The following GGTA1 variants were observed in gnomAD, a reference collection of about 807,000 sequenced individuals.
GGTA1 encodes inactive N-acetyllactosaminide alpha-1,3-galactosyltransferase.
GGTA1 carries 5 observed loss-of-function variants against 2.6 expected under a neutral mutation model. That is an observed-to-expected ratio of 1.92 (90% CI 1.00 to 4.04). The LOEUF is 4.04. GGTA1 is among the 30% of genes most tolerant of loss of function. The probability of loss-of-function intolerance (pLI) is 0.00; values close to 1 mark genes in which losing one functional copy is unlikely to be tolerated. For missense variants in GGTA1, 50 were observed against 16.7 expected (o/e 2.99, Z -3.47); for synonymous variants, 17 against 5.0 (o/e 3.38, Z -3.19).
At chr9:121,494,282 A>G (rs550662792) in intron 1 of GGTA1, among the ~76,000 whole-genome samples, 1 of 152,298 alleles carries the variant, frequency 6.6e-6, no homozygotes, top group South Asian at 2.1e-4. Flanking sequence ...CCCCACTGCC[A>G]TCACTGCCTC....
chr9:121,476,715 C>T lies in GGTA1; in HGVS notation c.-9-8784G>A, dbSNP rs1446394967. Among the ~76,000 whole-genome samples the T allele has an allele frequency of 6.6e-6, 1 of 152,196 alleles. No individual in the cohort carries two copies. The highest frequency in any genetic ancestry group is 1.5e-5 in the Non-Finnish European group (1 of 68,040). On this transcript the variant is annotated intron_variant, in intron 1 of 5. Coordinates refer to ENST00000481799, the MANE Select transcript of GGTA1 (RefSeq NM_001382585.1). This position sits in a 1 kb window ranked among gnomAD's most constrained non-coding sequence, Gnocchi z 4.6. ...AACCAATATGCGCTGAATGCAGAGG[C>T]TGACTTACCAGGAGCTAATGACGCT...
chr9:121,496,731 CAAA>C (rs772847384), intron 1 of GGTA1, among the ~76,000 whole-genome samples: 908 of 31,160 alleles, frequency 0.029, 31 homozygotes, highest in Non-Finnish European at 0.043. Flanking sequence ...GGCTCCATCT[CAAA>C]AAAAAAAAAA....
intron 1 of GGTA1, among the ~76,000 whole-genome samples, chr9:121,468,500 A>C (rs573957746): frequency 2.5e-4 from 38 of 152,334 alleles, no homozygotes; most frequent in African/African-American, 8.7e-4. Context: ...GTATCTTTAT[A>C]ATAGAATGAT....
chr9:121,489,338 A>C (rs763592452), intron 1 of GGTA1, among the ~76,000 whole-genome samples: 10 of 152,162 alleles, frequency 6.6e-5, no homozygotes, highest in African/African-American at 9.7e-5. Context: ...AGCTGGGACT[A>C]CAGGTGCACA....
intron 1 of GGTA1, among the ~76,000 whole-genome samples, chr9:121,495,116 C>T (rs1390489097): frequency 6.6e-6 from 1 of 151,866 alleles, no homozygotes; most frequent in Non-Finnish European, 1.5e-5. Flanking sequence ...GATGGGGTTT[C>T]ACTTTGTTGG....
In GGTA1 at chr9:121,445,489, A is replaced by G. The variant is rs1435301376; in HGVS notation, c.*2227T>C. 3 of 152,350 alleles carry G rather than the reference A, an allele frequency of 2.0e-5. No individual in the cohort carries two copies. In the East Asian group the frequency reaches 5.8e-4, roughly 29 times the overall value. The allele number at this position is 152,350 out of a possible 1,614,324, so 9.4% of individuals were successfully genotyped here. A position where few individuals can be genotyped will look rare whatever the true frequency, so the allele number is the denominator to read the frequency against. On this transcript the variant is annotated 3_prime_UTR_variant and NMD_transcript_variant, in exon 8 of 8. Transcript: ENST00000481534. ...GGCTCTTCAAATAAATTGCTTGAAA[A>G]TGGAAACAAATGACCGAGACTGGAA...
At chr9:121,488,407 G>C (rs1828805808) in intron 1 of GGTA1, among the ~76,000 whole-genome samples, 1 of 152,132 alleles carries the variant, frequency 6.6e-6, no homozygotes, top group Non-Finnish European at 1.5e-5. Flanking sequence ...AAACGCAAGG[G>C]TTATAAGACA....
chr9:121,459,999 C>G, intron 5 of GGTA1, 105 bp downstream of exon 5: 1 of 401,992 alleles, frequency 2.5e-6, no homozygotes, highest in Non-Finnish European at 4.9e-6. Context: ...AAGGCTCTTT[C>G]TCCTAAATCA....
chr9:121,497,505 G>A (rs1829019044), intron 1 of GGTA1, among the ~76,000 whole-genome samples: 1 of 152,056 alleles, frequency 6.6e-6, no homozygotes, highest in Non-Finnish European at 1.5e-5. Flanking sequence ...TATGTTTCTT[G>A]GTCTCTCTCA....
At chr9:121,450,734 C>G (rs1290249650), downstream of GGTA1, among the ~76,000 whole-genome samples, 1 of 152,180 alleles carries the variant, frequency 6.6e-6, no homozygotes, top group Admixed American at 6.5e-5. Context: ...AATTAGGTGG[C>G]TCCCAACCTA....
At chr9:121,447,979 T>C (rs1219246170) in intron 7 of GGTA1, among the ~76,000 whole-genome samples, 1 of 152,176 alleles carries the variant, frequency 6.6e-6, no homozygotes, top group African/African-American at 2.4e-5. Flanking sequence ...TCTCAACTGC[T>C]CTGGGTTTTA....
At chr9:121,496,921 G>A (rs538294521) in intron 1 of GGTA1, among the ~76,000 whole-genome samples, 7 of 152,034 alleles carry the variant, frequency 4.6e-5, no homozygotes, top group African/African-American at 1.7e-4. Context: ...AACTGGGCAT[G>A]GTGGCTCACA....
chr9:121,489,720 G>A (rs542333258), intron 1 of GGTA1, among the ~76,000 whole-genome samples: 1 of 152,288 alleles, frequency 6.6e-6, no homozygotes, highest in South Asian at 2.1e-4. Context: ...GCCAGCAGGC[G>A]TTCTGTGTTT....
chr9:121,470,135 C>A (rs141554540), intron 1 of GGTA1, among the ~76,000 whole-genome samples: 2 of 152,222 alleles, frequency 1.3e-5, no homozygotes, highest in Non-Finnish European at 2.9e-5. Context: ...TTTCCTGTGT[C>A]TCCTCTTGTG....
At position 121,476,296 on chromosome 9, in the gene GGTA1, T is replaced by C. The variant is rs1828508195; in HGVS notation, c.-9-8365A>G. Among the ~76,000 whole-genome samples the C allele has an allele frequency of 6.6e-6, 1 of 152,070 alleles. No homozygotes were observed. The highest frequency in any genetic ancestry group is 2.1e-4 in the South Asian group (1 of 4,824). On this transcript the variant is annotated intron_variant, in intron 1 of 5. Transcript: ENST00000481799. The surrounding 1 kb of genome is among the most constrained non-coding windows in gnomAD (Gnocchi z 4.6). The stretch of plus-strand genomic sequence containing the variant: ...TCTGACCAGACCAGCTGCACCTCCA[T>C]TTGCACCCCACCCCACCTCCTTGCT...
intron 1 of GGTA1, among the ~76,000 whole-genome samples, chr9:121,481,996 CA>C (rs56016550): frequency 0.052 from 6,703 of 128,866 alleles, 227 homozygotes; most frequent in Non-Finnish European, 0.071. Flanking sequence ...AACTCTGTCT[CA>C]AAAAAAAAAA....
chr9:121,448,245 C>G (rs2064861598), intron 7 of GGTA1, among the ~76,000 whole-genome samples: 1 of 152,180 alleles, frequency 6.6e-6, no homozygotes. Context: ...GATCTCCATT[C>G]AAAAGCCCTA....
At chr9:121,453,838 G>C (rs1249550177), downstream of GGTA1, among the ~76,000 whole-genome samples, 3 of 152,150 alleles carry the variant, frequency 2.0e-5, no homozygotes, top group African/African-American at 7.2e-5. Context: ...GTACAGCTGG[G>C]TCATCCCCTG....
intron 1 of GGTA1, among the ~76,000 whole-genome samples, chr9:121,474,583 GAAC>G (rs1204082971): frequency 1.7e-4 from 26 of 151,980 alleles, no homozygotes; most frequent in Admixed American, 1.7e-3. Flanking sequence ...TTCTCACACA[GAAC>G]AACACACACA....
Sources: allele counts gnomAD v4.1 joint callset (sites outside exome capture counted in the v4.1 genomes callset), GRCh38; gene constraint gnomAD v4.1.1; non-coding constraint Gnocchi (gnomAD v3.1); transcripts MANE v1.5; gene names NCBI Gene and HGNC (gene_info 2026-07-23, HGNC 2026-07-21).